The following MARCHF5 variants were observed in gnomAD, a reference collection of about 807,000 sequenced individuals.
MARCHF5 encodes the protein E3 ubiquitin-protein ligase MARCHF5.
MARCHF5 carries 5 observed loss-of-function variants against 36.5 expected under a neutral mutation model. The ratio of observed to expected loss-of-function variants is 0.14; its 90% confidence interval spans 0.07 to 0.29. The LOEUF (loss-of-function observed/expected upper bound fraction) is 0.29. MARCHF5 is among the 10% of genes least tolerant of loss of function. MARCHF5 has a pLI of 1.00. For synonymous variants in MARCHF5, 103 were observed against 109.9 expected, an observed-to-expected ratio of 0.94 and a Z score of 0.39; for missense variants, 179 against 336.3, an observed-to-expected ratio of 0.53 and a Z score of 3.66.
At chr10:92,318,868 G>A (rs1207564439) in intron 2 of MARCHF5, among the ~76,000 whole-genome samples, 1 of 151,942 alleles carries the variant, frequency 6.6e-6, no homozygotes, top group Non-Finnish European at 1.5e-5. Flanking sequence ...CACCAAGCCT[G>A]GCTAATTTTT....
intron 2 of MARCHF5, among the ~76,000 whole-genome samples, chr10:92,318,718 G>A (rs1431347313): frequency 6.6e-6 from 1 of 151,088 alleles, no homozygotes; most frequent in Non-Finnish European, 1.5e-5. Flanking sequence ...TTTTTTCTAA[G>A]ATGGAATCTC....
intron 2 of MARCHF5, among the ~76,000 whole-genome samples, chr10:92,321,618 G>A (rs1474734462): frequency 1.3e-5 from 2 of 152,022 alleles, no homozygotes; most frequent in Non-Finnish European, 2.9e-5. Context: ...TTTTAAAAGA[G>A]TTTGTGAAGG....
chr10:92,301,928 G>C (rs535329703), intron 1 of MARCHF5, among the ~76,000 whole-genome samples: 96 of 152,218 alleles, frequency 6.3e-4, no homozygotes, highest in African/African-American at 2.3e-3. Flanking sequence ...GGGCATGGTG[G>C]CACACACCTG....
At chr10:92,298,929 C>T (rs1842979245) in intron 1 of MARCHF5, among the ~76,000 whole-genome samples, 2 of 152,030 alleles carry the variant, frequency 1.3e-5, no homozygotes, top group African/African-American at 4.8e-5. Context: ...TCAAGCCTCC[C>T]AAGTAGCTAG....
At chr10:92,348,591 T>C (rs1843683780) in intron 3 of MARCHF5, among the ~76,000 whole-genome samples, 1 of 112,342 alleles carries the variant, frequency 8.9e-6, no homozygotes. Flanking sequence ...ATGCCAATTT[T>C]GTATTTCTCG....
intron 2 of MARCHF5, among the ~76,000 whole-genome samples, chr10:92,322,244 CAAAAAAAAAAAAAAA>C (rs56391697): frequency 0.017 from 481 of 27,814 alleles, 11 homozygotes; most frequent in African/African-American, 0.056. Flanking sequence ...AACTCCGTCT[CAAAAAAAAAAAAAAA>C]AAAAAAAAAA....
chr10:92,333,671 C>G (rs1433761287), intron 2 of MARCHF5: 1 of 984,840 alleles, frequency 1.0e-6, no homozygotes, highest in Non-Finnish European at 1.2e-6. Context: ...CCTCATGGGA[C>G]ATGGACAGGG....
chr10:92,309,559 G>C (rs1043150983), intron 1 of MARCHF5, among the ~76,000 whole-genome samples: 1 of 152,170 alleles, frequency 6.6e-6, no homozygotes, highest in African/African-American at 2.4e-5. Flanking sequence ...TTGCTAAAAT[G>C]ATACATTCCA....
chr10:92,339,724 C>CT, intron 2 of MARCHF5, among the ~76,000 whole-genome samples: 2 of 152,084 alleles, frequency 1.3e-5, no homozygotes, highest in East Asian at 3.9e-4. Flanking sequence ...TATATTTGGC[C>CT]TTTAAATCAG....
chr10:92,308,768 G>A (rs928418987), intron 1 of MARCHF5, among the ~76,000 whole-genome samples: 2 of 150,220 alleles, frequency 1.3e-5, no homozygotes, highest in Admixed American at 6.6e-5. Context: ...GCAGTGGCGC[G>A]ATCTTGGCTC....
intron 3 of MARCHF5, among the ~76,000 whole-genome samples, chr10:92,342,239 C>T (rs905140025): frequency 2.6e-5 from 4 of 152,072 alleles, no homozygotes; most frequent in Admixed American, 2.6e-4. Context: ...CAGCCTTACT[C>T]CTGGGCTCAA....
rs2274454 is a variant in MARCHF5 at position 92,291,328 on chromosome 10, C to T, written c.-167C>T. 3.0e-3 allele frequency: 2,023 copies of T among 663,934 alleles called. 59 individuals carry two copies. In the East Asian group the frequency reaches 0.054, roughly 18 times the overall value. The allele number at this position is 663,934 out of a possible 1,614,324, so 41.1% of individuals were successfully genotyped here. ...CGCCTCCGCCGGACTCCCGCAGGCCCTGCACCGCCGCCGCCAGGCTAGCGG... is the reference window on the plus strand; with the variant it reads ...CGCCTCCGCCGGACTCCCGCAGGCCTTGCACCGCCGCCGCCAGGCTAGCGG... On this transcript the variant is annotated 5_prime_UTR_variant, in exon 1 of 6. Coordinates refer to ENST00000358935, the MANE Select transcript of MARCHF5 (RefSeq NM_017824.5).
chr10:92,340,472 CA>C (rs1320754139), intron 2 of MARCHF5, among the ~76,000 whole-genome samples, 200 bp from the exon 3 acceptor site: 2 of 152,062 alleles, frequency 1.3e-5, no homozygotes, highest in Non-Finnish European at 2.9e-5. Context: ...TTTGGGAGAC[CA>C]AGGCAAGAGG....
At chr10:92,315,480 G>A (rs1843199240) in intron 2 of MARCHF5, among the ~76,000 whole-genome samples, 1 of 152,208 alleles carries the variant, frequency 6.6e-6, no homozygotes, top group Non-Finnish European at 1.5e-5. Context: ...AGAATTCATA[G>A]TGGAGGCTTT....
Position 92,298,048 on chromosome 10 carries a change from A to G in MARCHF5, c.35+6519A>G, listed in dbSNP as rs116337964. Among the ~76,000 whole-genome samples, 1,392 of 152,200 alleles carry G rather than the reference A, an allele frequency of 9.1e-3. 12 individuals are homozygous for G. The highest frequency in any genetic ancestry group is 0.032 in the African/African-American group (1,329 of 41,550). ...CCCCATCTCTACAAAAAATACAAAC[A>G]TTAGTAGGGCATAGTGGCACATACC... On this transcript the variant is annotated intron_variant, in intron 1 of 5. Transcript: ENST00000358935.
chr10:92,343,157 A>G (rs1322297181), intron 3 of MARCHF5, among the ~76,000 whole-genome samples: 1 of 152,140 alleles, frequency 6.6e-6, no homozygotes, highest in African/African-American at 2.4e-5. Context: ...GTCTCCTCCA[A>G]CCCATCCTTA....
intron 2 of MARCHF5, among the ~76,000 whole-genome samples, chr10:92,319,169 A>C (rs1843254485): frequency 6.6e-6 from 1 of 152,190 alleles, no homozygotes; most frequent in African/African-American, 2.4e-5. Flanking sequence ...CATTCACCTG[A>C]TTGTGGTGAT....
At chr10:92,327,795 A>G (rs1843384157) in intron 2 of MARCHF5, among the ~76,000 whole-genome samples, 1 of 152,194 alleles carries the variant, frequency 6.6e-6, no homozygotes, top group Non-Finnish European at 1.5e-5. Context: ...GAAAAGGAAT[A>G]TATCGCAGTT....
At chr10:92,301,559 T>A (rs1010470327) in intron 1 of MARCHF5, among the ~76,000 whole-genome samples, 17 of 152,230 alleles carry the variant, frequency 1.1e-4, no homozygotes, top group Non-Finnish European at 2.5e-4. Flanking sequence ...TTTCAGAGTT[T>A]ATGAACATCA....
Sources: gnomAD v4.1 joint callset for allele counts (sites outside exome capture counted in the v4.1 genomes callset) on GRCh38, gnomAD v4.1.1 for gene constraint, MANE v1.5 for transcripts, NCBI Gene and HGNC (gene_info 2026-07-23, HGNC 2026-07-21) for gene names.